TRPM3: variants seen among roughly 807,000 people sequenced by gnomAD.
TRPM3 encodes transient receptor potential cation channel subfamily M member 3, also known as long transient receptor potential channel 3.
A neutral mutation model predicts 181.2 loss-of-function variants in TRPM3; 77 were observed. That is an observed-to-expected ratio of 0.42 (90% CI 0.35 to 0.51). TRPM3 has a LOEUF of 0.51. TRPM3 is among the 20% of genes least tolerant of loss of function. TRPM3 has a pLI of 0.01. For missense variants in TRPM3, 1,759 were observed against 2,196.7 expected, an observed-to-expected ratio of 0.80 and a Z score of 3.98; for synonymous variants, 745 against 796.4, an observed-to-expected ratio of 0.94 and a Z score of 1.09.
chr9:71,076,287 G>A (rs2063452858), intron 1 of TRPM3, among the ~76,000 whole-genome samples: 1 of 152,170 alleles, frequency 6.6e-6, no homozygotes, highest in Non-Finnish European at 1.5e-5. Flanking sequence ...CAGGGATTTT[G>A]TATTTTTCAG....
chr9:71,014,056 G>A (rs1215767576), intron 1 of TRPM3, among the ~76,000 whole-genome samples: 4 of 151,636 alleles, frequency 2.6e-5, no homozygotes, highest in Non-Finnish European at 5.9e-5. Context: ...CATAAGTATT[G>A]GAGGCTCTAA....
At chr9:70,845,633 C>T (rs369584343) in intron 4 of TRPM3, among the ~76,000 whole-genome samples, 24 of 152,296 alleles carry the variant, frequency 1.6e-4, no homozygotes, top group Middle Eastern at 3.4e-3. Context: ...GACTTTGGGG[C>T]TTGTAATAAG....
rs2041141175 is a variant in TRPM3 at position 70,533,302 on chromosome 9, C to T, written c.*2651G>A. On this transcript the variant is annotated 3_prime_UTR_variant, in exon 26 of 26. Coordinates refer to ENST00000677713, the MANE Select transcript of TRPM3 (RefSeq NM_001366145.2). ...TTCCTCTATAGACCCTTCAGGGAGACTTCAGCATTGTGATTGTGCTTGATA... is the reference window on the plus strand; with the variant it reads ...TTCCTCTATAGACCCTTCAGGGAGATTTCAGCATTGTGATTGTGCTTGATA... 6.6e-6 allele frequency: 1 copy of T among 152,178 alleles called. No individual in the cohort carries two copies. Among genetic ancestry groups the T allele is most frequent in the African/African-American group, 2.4e-5 (1 of 41,442 alleles). The allele number at this position is 152,178 out of a possible 1,614,324, so 9.4% of individuals were successfully genotyped here. A position where few individuals can be genotyped will look rare whatever the true frequency, so the allele number is the denominator to read the frequency against.
intron 1 of TRPM3, among the ~76,000 whole-genome samples, chr9:71,167,085 A>C (rs2076576120): frequency 6.6e-6 from 1 of 152,190 alleles, no homozygotes; most frequent in Non-Finnish European, 1.5e-5. Flanking sequence ...TTACCAAAAA[A>C]AAGTTTTAAA....
chr9:70,863,364 G>A (rs766963506), intron 2 of TRPM3, among the ~76,000 whole-genome samples: 2 of 151,694 alleles, frequency 1.3e-5, no homozygotes, highest in Non-Finnish European at 2.9e-5. Flanking sequence ...GCCCTTCTCC[G>A]TCCACCTCTT....
chr9:71,255,803 G>T (rs1002164245), intron 1 of TRPM3, among the ~76,000 whole-genome samples: 4 of 152,116 alleles, frequency 2.6e-5, no homozygotes, highest in Non-Finnish European at 5.9e-5. Context: ...CATTTTAGCT[G>T]TAAAAACTCT....
chr9:71,072,001 T>C (rs1313991955), intron 1 of TRPM3, among the ~76,000 whole-genome samples: 1 of 152,148 alleles, frequency 6.6e-6, no homozygotes, highest in African/African-American at 2.4e-5. Flanking sequence ...GGGATTCAGA[T>C]GTTTTTGGTA....
intron 1 of TRPM3, among the ~76,000 whole-genome samples, chr9:71,069,922 T>A (rs879653786): frequency 6.6e-6 from 1 of 152,092 alleles, no homozygotes; most frequent in Non-Finnish European, 1.5e-5. Context: ...TTAATTTTTT[T>A]AAAAAAGGTA....
At chr9:70,545,382 CT>C (rs113093068) in intron 25 of TRPM3, among the ~76,000 whole-genome samples, 3 of 152,138 alleles carry the variant, frequency 2.0e-5, no homozygotes, top group African/African-American at 7.2e-5. Flanking sequence ...AAAGTGCATA[CT>C]GAGAAAGTGA....
intron 1 of TRPM3, among the ~76,000 whole-genome samples, chr9:71,357,767 TTTCTC>T (rs1376024877): frequency 1.3e-5 from 2 of 152,162 alleles, no homozygotes; most frequent in African/African-American, 2.4e-5. Flanking sequence ...TTTCTTATCT[TTTCTC>T]TTTTCTTTTT....
At chr9:70,682,265 A>T (rs1048637088) in intron 8 of TRPM3, among the ~76,000 whole-genome samples, 3 of 152,134 alleles carry the variant, frequency 2.0e-5, no homozygotes, top group Admixed American at 2.0e-4. Flanking sequence ...GTTTTATGTA[A>T]ATACATAAAA....
At chr9:71,375,766 T>C (rs1316426695) in intron 1 of TRPM3, among the ~76,000 whole-genome samples, 4 of 152,166 alleles carry the variant, frequency 2.6e-5, no homozygotes, top group Non-Finnish European at 2.9e-5. Context: ...GTCATCAACA[T>C]TGAGGCAAGA....
intron 1 of TRPM3, among the ~76,000 whole-genome samples, chr9:71,063,064 C>T (rs2061504447): frequency 6.6e-6 from 1 of 152,058 alleles, no homozygotes; most frequent in African/African-American, 2.4e-5. Context: ...GAAGACAAAC[C>T]TTGCTTTCTG....
chr9:71,430,924 C>A (rs1296903686), intron 1 of TRPM3, among the ~76,000 whole-genome samples: 3 of 152,176 alleles, frequency 2.0e-5, no homozygotes, highest in African/African-American at 7.2e-5. Context: ...GATCTGAATG[C>A]AGTTTCTTGC....
chr9:71,229,969 T>G (rs1434181545), intron 1 of TRPM3, among the ~76,000 whole-genome samples: 2 of 152,094 alleles, frequency 1.3e-5, no homozygotes, highest in African/African-American at 4.8e-5. Context: ...AAGAGATAGC[T>G]GCACTCCCAT....
intron 1 of TRPM3, among the ~76,000 whole-genome samples, chr9:71,371,146 C>T (rs575212199): frequency 8.1e-4 from 123 of 152,214 alleles, no homozygotes; most frequent in African/African-American, 2.8e-3. Context: ...GAGATGTACA[C>T]GGAGTTGAAT....
intron 1 of TRPM3, among the ~76,000 whole-genome samples, chr9:71,296,927 AG>A (rs1308214894): frequency 2.0e-5 from 3 of 152,044 alleles, no homozygotes; most frequent in African/African-American, 7.2e-5. Flanking sequence ...CACTGCAGAA[AG>A]AAGATTTAAA....
intron 1 of TRPM3, among the ~76,000 whole-genome samples, chr9:71,275,858 T>C (rs1170478778): frequency 6.6e-6 from 1 of 151,692 alleles, no homozygotes; most frequent in Non-Finnish European, 1.5e-5. Flanking sequence ...TTTTTTTTTT[T>C]TGAGACAGAG....
rs1563912394 is a variant in TRPM3, at chr9:71,420,977, G to GGGAGAGAAAA, written c.183+25675_183+25676insTTTTCTCTCC. Among the ~76,000 whole-genome samples the GGGAGAGAAAA allele has an allele frequency of 4.1e-4, 51 of 123,952 alleles. 1 individual carries two copies. The East Asian group carries it at 5.6e-3, about 14-fold the overall frequency. The allele number at this position is 123,952 out of a possible 152,430, so 81.3% of individuals were successfully genotyped here. ...AGGGAGAGAAAAAGGGAGAGAAAAAGAGAGAGAAAAAGAGAGAGAAAAAGA... is the reference window on the plus strand; with the variant it reads ...AGGGAGAGAAAAAGGGAGAGAAAAAGGGAGAGAAAAAGAGAGAAAAAGAGAGAGAAAAAGA... On this transcript the variant is annotated intron_variant, in intron 1 of 24. Coordinates refer to the TRPM3 transcript ENST00000357533.
Sources: allele counts gnomAD v4.1 joint callset (sites outside exome capture counted in the v4.1 genomes callset), GRCh38; gene constraint gnomAD v4.1.1; transcripts MANE v1.5; gene names NCBI Gene and HGNC (gene_info 2026-07-23, HGNC 2026-07-21).